ROBO1: variants seen among roughly 807,000 people sequenced by gnomAD.
ROBO1 encodes the protein roundabout homolog 1.
ROBO1 carries 149 observed loss-of-function variants against 195.9 expected under a neutral mutation model. The ratio of observed to expected loss-of-function variants is 0.76; its 90% CI spans 0.67 to 0.87. The LOEUF (loss-of-function observed/expected upper bound fraction) is 0.87. ROBO1 is among the 40% of genes least tolerant of loss of function. The pLI is 0.00. For synonymous variants in ROBO1, 816 were observed against 733.2 expected, an observed-to-expected ratio of 1.11 and a Z score of -1.82; for missense variants, 1,933 against 2,068.3, an observed-to-expected ratio of 0.93 and a Z score of 1.27.
intron 2 of ROBO1, among the ~76,000 whole-genome samples, chr3:79,485,939 G>A (rs1009731466): frequency 5.9e-5 from 9 of 152,132 alleles, no homozygotes; most frequent in Admixed American, 1.3e-4. Flanking sequence ...GTCTTCAAAG[G>A]TTTTCCATTA....
intron 1 of ROBO1, among the ~76,000 whole-genome samples, chr3:79,705,124 TG>T (rs1461102893): frequency 6.6e-6 from 1 of 152,022 alleles, no homozygotes; most frequent in African/African-American, 2.4e-5. Flanking sequence ...TCTTCCACTC[TG>T]TGGCTTGTCT....
rs139993140 is a variant in ROBO1 at position 78,924,954 on chromosome 3, C to T, written c.499+13647G>A. 2.2e-3 allele frequency among the ~76,000 whole-genome samples: 340 copies of T among 151,604 alleles called. 3 individuals carry two copies. The highest frequency in any genetic ancestry group is 4.4e-3 in the Admixed American group (67 of 15,252). ...TTTTGATAATTTAAAAATAAAGTAG[C>T]AATTGTTTTTAAATCTATTATTTTT... On this transcript the variant is annotated intron_variant, in intron 4 of 30. Transcript: ENST00000464233.
chr3:79,101,029 A>C (rs1245600761), intron 3 of ROBO1, among the ~76,000 whole-genome samples: 1 of 151,856 alleles, frequency 6.6e-6, no homozygotes, highest in Non-Finnish European at 1.5e-5. Context: ...CCAATCTAGC[A>C]GATGGTCAGA....
At chr3:78,894,958 T>C (rs2037143134) in intron 4 of ROBO1, among the ~76,000 whole-genome samples, 1 of 152,238 alleles carries the variant, frequency 6.6e-6, no homozygotes, top group Non-Finnish European at 1.5e-5. Flanking sequence ...CTTGTGCATA[T>C]GCACACTGGC....
chr3:79,535,319 ACT>A (rs920372530), intron 2 of ROBO1, among the ~76,000 whole-genome samples: 1 of 151,918 alleles, frequency 6.6e-6, no homozygotes, highest in Admixed American at 6.6e-5. Flanking sequence ...TTTCCACAAC[ACT>A]CTGCAGATGT....
intron 4 of ROBO1, among the ~76,000 whole-genome samples, chr3:78,909,439 T>A (rs1046531471): frequency 6.6e-6 from 1 of 151,726 alleles, no homozygotes; most frequent in South Asian, 2.1e-4. Flanking sequence ...AGCATGAGAG[T>A]CTTGCCCAAG....
chr3:78,928,398 T>A (rs916456469), intron 4 of ROBO1, among the ~76,000 whole-genome samples: 6 of 152,126 alleles, frequency 3.9e-5, no homozygotes, highest in African/African-American at 1.4e-4. Flanking sequence ...AGAACTCATT[T>A]AATGGGAGAC....
intron 5 of ROBO1, among the ~76,000 whole-genome samples, chr3:78,740,450 T>C (rs2608020): frequency 0.018 from 1,861 of 103,198 alleles, 54 homozygotes; most frequent in African/African-American, 0.035. Context: ...ATTTTTCTTT[T>C]TTTCTTTCTT....
intron 2 of ROBO1, among the ~76,000 whole-genome samples, chr3:79,488,353 T>C (rs546909939): frequency 9.8e-5 from 15 of 152,298 alleles, no homozygotes; most frequent in African/African-American, 2.4e-4. Flanking sequence ...TGAATACTTA[T>C]AGAGCACTTT....
chr3:78,845,705 T>C (rs1210791088), intron 4 of ROBO1, among the ~76,000 whole-genome samples: 1 of 150,262 alleles, frequency 6.7e-6, no homozygotes, highest in South Asian at 2.1e-4. Flanking sequence ...CTAATGCCCA[T>C]CATGTCTGGG....
intron 2 of ROBO1, among the ~76,000 whole-genome samples, chr3:79,563,506 T>C (rs912101104): frequency 1.3e-5 from 2 of 152,138 alleles, no homozygotes; most frequent in Admixed American, 6.6e-5. Context: ...TAGCTATGTT[T>C]GGCATATATA....
At chr3:79,716,904 A>G (rs1264649990) in intron 1 of ROBO1, among the ~76,000 whole-genome samples, 1 of 152,024 alleles carries the variant, frequency 6.6e-6, no homozygotes, top group Non-Finnish European at 1.5e-5. Flanking sequence ...TTTAATTGTA[A>G]TAAACTATAT....
At chr3:78,780,516 T>C (rs2083644892) in intron 4 of ROBO1, among the ~76,000 whole-genome samples, 1 of 152,046 alleles carries the variant, frequency 6.6e-6, no homozygotes, top group Non-Finnish European at 1.5e-5. Flanking sequence ...TCCCCAAACT[T>C]TCCCTGATGG....
intron 17 of ROBO1, among the ~76,000 whole-genome samples, chr3:78,658,453 G>A (rs1707174994): frequency 6.6e-6 from 1 of 152,176 alleles, no homozygotes; most frequent in Admixed American, 6.5e-5. Context: ...ACCACACTCA[G>A]CTAATTTTTG....
At chr3:79,496,546 G>A (rs1021209333) in intron 2 of ROBO1, among the ~76,000 whole-genome samples, 3 of 148,134 alleles carry the variant, frequency 2.0e-5, no homozygotes, top group African/African-American at 7.5e-5. Context: ...ACCGCGCCCG[G>A]CTAATTTTTT....
chr3:78,861,753 C>T (rs2034856286), intron 4 of ROBO1, among the ~76,000 whole-genome samples: 1 of 152,144 alleles, frequency 6.6e-6, no homozygotes, highest in South Asian at 2.1e-4. Context: ...TCCTTTGTGT[C>T]CTCAGCCACC....
At chr3:79,028,789 A>G (rs1297440565) in intron 3 of ROBO1, among the ~76,000 whole-genome samples, 1 of 151,992 alleles carries the variant, frequency 6.6e-6, no homozygotes, top group Non-Finnish European at 1.5e-5. Flanking sequence ...TTGAATTATT[A>G]TATTTTTGTT....
At chr3:79,076,400 A>G (rs1215436056) in intron 3 of ROBO1, among the ~76,000 whole-genome samples, 4 of 151,164 alleles carry the variant, frequency 2.6e-5, no homozygotes, top group Non-Finnish European at 4.4e-5. Flanking sequence ...AGACTTAAAT[A>G]TAATAAACTC....
intron 2 of ROBO1, among the ~76,000 whole-genome samples, chr3:79,569,669 GTGTGTA>G (rs201899196): frequency 0.011 from 1,170 of 111,366 alleles, 12 homozygotes; most frequent in African/African-American, 0.046. Context: ...GTGTGTGTGT[GTGTGTA>G]TATATGTGTG....
Sources: allele counts gnomAD v4.1 joint callset (sites outside exome capture counted in the v4.1 genomes callset), GRCh38; gene constraint gnomAD v4.1.1; transcripts MANE v1.5; gene names NCBI Gene and HGNC (gene_info 2026-07-23, HGNC 2026-07-21).